CPM: variants seen among roughly 807,000 people sequenced by gnomAD.
CPM encodes the protein renal carboxypeptidase.
CPM carries 35 observed loss-of-function variants against 46.4 expected under a neutral mutation model. The ratio of observed to expected loss-of-function variants is 0.75; its 90% CI spans 0.58 to 1.00. The LOEUF is 1.00. Among genes scored for constraint, CPM ranks in the 50% least tolerant of loss-of-function variants. The pLI is 0.00. For synonymous variants in CPM, 195 were observed against 195.3 expected, an observed-to-expected ratio of 1.00 and a Z score of 0.01; for missense variants, 422 against 530.4, an observed-to-expected ratio of 0.80 and a Z score of 2.01.
At chr12:68,889,025 G>A (rs1341122347) in intron 2 of CPM, among the ~76,000 whole-genome samples, 4 of 152,212 alleles carry the variant, frequency 2.6e-5, no homozygotes, top group African/African-American at 9.6e-5. Context: ...CCACATCAGA[G>A]GCACCTGGGA....
At chr12:68,871,607 CT>C (rs577409270) in intron 4 of CPM, 176 bp downstream of exon 4, 25 of 658,410 alleles carry the variant, frequency 3.8e-5, no homozygotes, top group African/African-American at 2.9e-4. Context: ...ATTTGCATTT[CT>C]TCCTGCAAGC....
intron 1 of CPM, among the ~76,000 whole-genome samples, chr12:68,955,487 G>A (rs1317865261): frequency 4.2e-5 from 6 of 142,976 alleles, no homozygotes; most frequent in Non-Finnish European, 6.2e-5. Context: ...TTACAACATG[G>A]TGAGTGTGTG....
At chr12:68,923,096 G>A (rs2136309430) in intron 2 of CPM, among the ~76,000 whole-genome samples, 1 of 150,892 alleles carries the variant, frequency 6.6e-6, no homozygotes, top group African/African-American at 2.4e-5. Flanking sequence ...CAAACAGGAA[G>A]ATTTGACTAA....
intron 1 of CPM, among the ~76,000 whole-genome samples, chr12:68,956,951 T>C (rs1889030238): frequency 6.6e-6 from 1 of 152,154 alleles, no homozygotes; most frequent in South Asian, 2.1e-4. Context: ...GGTTCCAGAA[T>C]CCTCTCACAA....
intron 2 of CPM, among the ~76,000 whole-genome samples, chr12:68,895,222 T>A (rs905507147): frequency 3.3e-5 from 5 of 152,068 alleles, no homozygotes; most frequent in Non-Finnish European, 7.4e-5. Flanking sequence ...GGTGCCCTAA[T>A]GAACTCAGGC....
At chr12:68,876,452 A>C (rs533194889) in intron 3 of CPM, among the ~76,000 whole-genome samples, 7 of 152,358 alleles carry the variant, frequency 4.6e-5, no homozygotes, top group African/African-American at 1.7e-4. Flanking sequence ...TGTTTTATGT[A>C]TAAACCTCCC....
At chr12:68,883,439 G>A (rs1886283645) in intron 3 of CPM, among the ~76,000 whole-genome samples, 1 of 152,154 alleles carries the variant, frequency 6.6e-6, no homozygotes, top group South Asian at 2.1e-4. Context: ...TAGCCCCATA[G>A]AGCCCCCAGA....
chr12:68,953,095 T>G (rs1888961078), intron 1 of CPM, among the ~76,000 whole-genome samples: 1 of 152,294 alleles, frequency 6.6e-6, no homozygotes, highest in South Asian at 2.1e-4. Flanking sequence ...AGAACAGCCT[T>G]CCATGTAAGT....
intron 2 of CPM, among the ~76,000 whole-genome samples, chr12:68,901,490 A>C (rs2136278637): frequency 6.6e-6 from 1 of 152,344 alleles, no homozygotes; most frequent in Middle Eastern, 3.4e-3. Context: ...AACTCTCCAA[A>C]ACCTGGTCAA....
intron 7 of CPM, among the ~76,000 whole-genome samples, chr12:68,865,947 G>A (rs899700645): frequency 2.0e-5 from 3 of 152,156 alleles, no homozygotes; most frequent in Non-Finnish European, 4.4e-5. Context: ...CTGGCAATCT[G>A]TTTTAGCAAG....
chr12:68,859,032 A>G lies in CPM; in HGVS notation c.980T>C (p.Leu327Ser). The change falls in exon 8 of 9, where the codon TTA becomes TCA. Residue 327 changes from leucine (L) to serine (S), a missense_variant. By Grantham distance (145) the Leu-to-Ser change is moderately radical (BLOSUM62 -2). Coordinates refer to ENST00000551568, the MANE Select transcript of CPM (RefSeq NM_198320.5). ...TTGGACTTCCACAATTACATTGGGTAATGGATTTCCATTCTGATCAAAAAC... is the reference window on the plus strand; with the variant it reads ...TTGGACTTCCACAATTACATTGGGTGATGGATTTCCATTCTGATCAAAAAC... The part of the protein sequence containing the change: ...GQVFDQNGNP[L>S]PNVIVEVQDR... 1 of 1,558,392 alleles carries G rather than the reference A, an allele frequency of 6.4e-7. No individual in the cohort carries two copies. The highest frequency in any genetic ancestry group is 8.7e-7 in the Non-Finnish European group (1 of 1,152,894).
At chr12:68,866,767 T>C (rs1885468278) in intron 7 of CPM, 129 bp downstream of exon 7, 2 of 752,208 alleles carry the variant, frequency 2.7e-6, no homozygotes, top group African/African-American at 1.7e-5. Flanking sequence ...TTCTTAACCA[T>C]CAGATCTGGC....
At chr12:68,951,362 G>A (rs1468668433) in intron 1 of CPM, among the ~76,000 whole-genome samples, 1 of 152,122 alleles carries the variant, frequency 6.6e-6, no homozygotes, top group Non-Finnish European at 1.5e-5. Flanking sequence ...GTTTAGCTGG[G>A]GATACAGGCA....
At chr12:68,845,768 G>GTT (rs1884245347) in intron 5 of CPM, 1 of 155,766 alleles carries the variant, frequency 6.4e-6, no homozygotes, top group South Asian at 2.1e-4. Context: ...TTCACCTTTT[G>GTT]TTTGTTTTGT....
At chr12:68,955,006 C>T (rs1888989568) in intron 1 of CPM, among the ~76,000 whole-genome samples, 1 of 152,166 alleles carries the variant, frequency 6.6e-6, no homozygotes, top group Non-Finnish European at 1.5e-5. Flanking sequence ...AGCCTGCATG[C>T]CTGGCTGTGT....
intron 2 of CPM, among the ~76,000 whole-genome samples, chr12:68,912,748 G>C (rs1475629573): frequency 6.6e-6 from 1 of 152,162 alleles, no homozygotes; most frequent in East Asian, 1.9e-4. Context: ...ACTAGACTGT[G>C]TGTACCTTTA....
In CPM at chr12:68,941,833, C is replaced by G. The variant is rs113626157; in HGVS notation, c.-3-8993G>C. Among the ~76,000 whole-genome samples the G allele has an allele frequency of 8.2e-3, 1,246 of 152,168 alleles. 11 individuals carry two copies. Among genetic ancestry groups the G allele is most frequent in the Middle Eastern group, 0.027 (8 of 294 alleles). ...TAGCTCCCCCAACTCAGATCAGTAC[C>G]CCCAGCAAAACCGGATTTGTTTGTT... On this transcript the variant is annotated intron_variant, in intron 1 of 8. Coordinates refer to the CPM transcript ENST00000546373.
intron 1 of CPM, among the ~76,000 whole-genome samples, chr12:68,948,781 C>A (rs940370557): frequency 1.3e-5 from 2 of 152,126 alleles, no homozygotes; most frequent in Non-Finnish European, 2.9e-5. Flanking sequence ...AAAAGTCTTG[C>A]TAGACTCCTG....
chr12:68,842,489 C>T (rs1224907304), intron 5 of CPM: 1 of 392,978 alleles, frequency 2.5e-6, no homozygotes, highest in African/African-American at 2.1e-5. Flanking sequence ...TAAGGTCACT[C>T]CGATGAAAGG....
Sources: allele counts gnomAD v4.1 joint callset (sites outside exome capture counted in the v4.1 genomes callset), GRCh38; gene constraint gnomAD v4.1.1; transcripts MANE v1.5; gene names NCBI Gene and HGNC (gene_info 2026-07-23, HGNC 2026-07-21).